Variants in HS6ST2 observed in about 807,000 individuals in gnomAD.
The protein encoded by HS6ST2 is heparan sulfate 6-O-sulfotransferase 2, also known as heparan-sulfate 6-O-sulfotransferase 2.
HS6ST2 carries 17 observed loss-of-function variants against 33.0 expected under a neutral mutation model. That is an observed-to-expected ratio of 0.52 (90% confidence interval 0.35 to 0.77). The LOEUF is 0.77. Among genes scored for constraint, HS6ST2 ranks in the 30% least tolerant of loss-of-function variants. HS6ST2 has a pLI of 0.01. For synonymous variants in HS6ST2, 248 were observed against 237.1 expected (o/e 1.05, Z -0.42); for missense variants, 519 against 551.7 (o/e 0.94, Z 0.59).
intron 2 of HS6ST2, among the ~76,000 whole-genome samples, chrX:132,717,755 C>T (rs2064289125): frequency 8.9e-6 from 1 of 111,951 alleles, no homozygotes; most frequent in Non-Finnish European, 1.9e-5. Context: ...TGGATTAACA[C>T]TGCTGCTCCC....
At position 132,627,511 on chromosome X, in the gene HS6ST2, G is replaced by A. The variant is rs934868057; in HGVS notation, c.*712C>T. ...ATTGGTATTTCATTTTGAAAAAAAG[G>A]TGTTTTGTTTAATGTGAGATACACC... On this transcript the variant is annotated 3_prime_UTR_variant, in exon 5 of 5. Transcript: ENST00000370833. 2 of 112,443 alleles carry A rather than the reference G, an allele frequency of 1.8e-5. No homozygotes were observed. The highest frequency in any genetic ancestry group is 3.8e-5 in the Non-Finnish European group (2 of 53,221). 9.3% of individuals were successfully genotyped at this position (112,443 alleles called of 1,213,427 possible).
intron 2 of HS6ST2, among the ~76,000 whole-genome samples, chrX:132,745,783 A>G (rs1421993354): frequency 8.9e-6 from 1 of 112,047 alleles, no homozygotes; most frequent in Admixed American, 9.5e-5. Context: ...TTCTGGCTGC[A>G]TATTAAAAAA....
intron 2 of HS6ST2, among the ~76,000 whole-genome samples, chrX:132,891,492 G>A (rs1224549769): frequency 3.7e-5 from 4 of 108,215 alleles, no homozygotes. Flanking sequence ...CCATTAACTC[G>A]TCATTTAGCA....
chrX:132,956,137 C>T (rs752490845), intron 2 of HS6ST2, among the ~76,000 whole-genome samples: 4 of 111,698 alleles, frequency 3.6e-5, no homozygotes, highest in African/African-American at 1.3e-4. Context: ...AGAGGGACAC[C>T]CAGTCGCCCG....
chrX:132,872,731 C>G (rs1453673414), intron 2 of HS6ST2, among the ~76,000 whole-genome samples: 1 of 111,834 alleles, frequency 8.9e-6, no homozygotes, highest in Non-Finnish European at 1.9e-5. Flanking sequence ...AAGAAACTAC[C>G]AAGATTGCTG....
At chrX:132,768,580 G>C (rs1223003370) in intron 2 of HS6ST2, among the ~76,000 whole-genome samples, 1 of 112,082 alleles carries the variant, frequency 8.9e-6, no homozygotes, top group Non-Finnish European at 1.9e-5. Context: ...TGAGGAAAAT[G>C]ATCATTCACT....
chrX:132,701,676 C>T (rs1379987324), intron 3 of HS6ST2, among the ~76,000 whole-genome samples: 1 of 111,866 alleles, frequency 8.9e-6, no homozygotes, highest in Non-Finnish European at 1.9e-5. Flanking sequence ...GGAAGGCAAA[C>T]TTTCTAACTC....
At chrX:132,652,869 T>C (rs774409369) in intron 4 of HS6ST2, among the ~76,000 whole-genome samples, 75 of 111,210 alleles carry the variant, frequency 6.7e-4, no homozygotes, top group South Asian at 1.9e-3. Context: ...CTTGCAAACA[T>C]GCCACAATTA....
chrX:132,806,475 A>T lies in HS6ST2; in HGVS notation c.948-97981T>A, dbSNP rs145759453. Among the ~76,000 whole-genome samples the T allele has an allele frequency of 7.5e-3, 825 of 110,300 alleles. 11 individuals carry two copies. The highest frequency in any genetic ancestry group is 0.026 in the African/African-American group (792 of 30,743). ...ATAATATGCAAATAATTCCTGAACT[A>T]TCTATCACAGTGATGTTCCAGAGAC... is the stretch of plus-strand genomic sequence containing the variant. On this transcript the variant is annotated intron_variant, in intron 2 of 4. Coordinates refer to ENST00000370833, the MANE Select transcript of HS6ST2 (RefSeq NM_001394073.1).
Position 132,958,578 on chromosome X carries a change from G to A in HS6ST2, c.25C>T (p.Arg9Trp), listed in dbSNP as rs777570717. The A allele has an allele frequency of 4.2e-6, 5 of 1,178,767 alleles. No homozygotes were observed. In the South Asian group the frequency reaches 5.7e-5, roughly 13 times the overall value. The change falls in exon 1 of 5, where the codon CGG becomes TGG. Residue 9 changes from arginine (R) to tryptophan (W), a missense_variant. Coordinates refer to ENST00000370833, the MANE Select transcript of HS6ST2 (RefSeq NM_001394073.1). ...GGTTGCCGCGGCGGCTCGAACTCCCGGACTGCACACGCAGGCAGTGCCATT... is the reference window on the plus strand; with the variant it reads ...GGTTGCCGCGGCGGCTCGAACTCCCAGACTGCACACGCAGGCAGTGCCATT... MALPACAV[R>W]EFEPPRQPER...
At chrX:132,702,210 T>C (rs2064150168) in intron 3 of HS6ST2, among the ~76,000 whole-genome samples, 1 of 112,558 alleles carries the variant, frequency 8.9e-6, no homozygotes, top group African/African-American at 3.2e-5. Flanking sequence ...ACCTCCAGGA[T>C]CATCTATTTA....
intron 2 of HS6ST2, among the ~76,000 whole-genome samples, chrX:132,899,337 A>G (rs916592098): frequency 8.9e-6 from 1 of 111,934 alleles, no homozygotes; most frequent in Non-Finnish European, 1.9e-5. Flanking sequence ...CACAAATTAT[A>G]GACTTAACAT....
At chrX:132,842,091 G>A (rs1374084229) in intron 2 of HS6ST2, among the ~76,000 whole-genome samples, 2 of 111,933 alleles carry the variant, frequency 1.8e-5, no homozygotes, top group African/African-American at 6.5e-5. Context: ...AGGAGGGGAA[G>A]CACTTGAGAT....
intron 2 of HS6ST2, among the ~76,000 whole-genome samples, chrX:132,956,554 G>A (rs1202154653): frequency 8.9e-6 from 1 of 112,373 alleles, no homozygotes; most frequent in Non-Finnish European, 1.9e-5. Flanking sequence ...CGCCTCCCCC[G>A]CACGCTCTGC....
At chrX:132,648,876 G>GGGA (rs2148179495) in intron 4 of HS6ST2, among the ~76,000 whole-genome samples, 1 of 111,963 alleles carries the variant, frequency 8.9e-6, no homozygotes, top group South Asian at 3.8e-4. Context: ...CTGGAGCCCT[G>GGGA]GGAGGAGGTT....
At chrX:132,908,981 G>T (rs1309224468) in intron 2 of HS6ST2, among the ~76,000 whole-genome samples, 1 of 68,975 alleles carries the variant, frequency 1.4e-5, no homozygotes, top group Non-Finnish European at 2.5e-5. Context: ...ACCCATTGAA[G>T]AACTCCACTG....
intron 2 of HS6ST2, among the ~76,000 whole-genome samples, chrX:132,936,088 AAC>A (rs2066820053): frequency 9.1e-6 from 1 of 109,362 alleles, no homozygotes; most frequent in Non-Finnish European, 1.9e-5. Flanking sequence ...TGATAAACAG[AAC>A]TTATACTGAA....
chrX:132,708,733 T>C (rs965828002), intron 2 of HS6ST2: 2 of 300,619 alleles, frequency 6.7e-6, no homozygotes, highest in Non-Finnish European at 1.2e-5. Context: ...ATCCCTGGAG[T>C]GCTGTGGTCT....
chrX:132,787,206 T>C (rs1206775921), intron 2 of HS6ST2, among the ~76,000 whole-genome samples: 1 of 87,940 alleles, frequency 1.1e-5, no homozygotes. Flanking sequence ...TATACACATA[T>C]ATATATACAC....
Sources: allele counts gnomAD v4.1 joint callset (sites outside exome capture counted in the v4.1 genomes callset), GRCh38; gene constraint gnomAD v4.1.1; transcripts MANE v1.5; gene names NCBI Gene and HGNC (gene_info 2026-07-23, HGNC 2026-07-21).